CCT7: variants seen among roughly 807,000 people sequenced by gnomAD.
CCT7 encodes the protein chaperonin containing TCP1 subunit 7.
Under a neutral mutation model 56.6 loss-of-function variants are expected in CCT7, and 16 were observed. The observed-to-expected ratio is 0.28, with a 90% confidence interval of 0.19 to 0.43. The LOEUF (loss-of-function observed/expected upper bound fraction) is 0.43. Ranked by LOEUF, CCT7 falls within the 20% of genes least tolerant of loss-of-function variation. The pLI, the probability that CCT7 is intolerant of heterozygous loss-of-function variation, is 1.00. For synonymous variants in CCT7, 262 were observed against 254.8 expected, an observed-to-expected ratio of 1.03 and a Z score of -0.27; for missense variants, 519 against 685.6, an observed-to-expected ratio of 0.76 and a Z score of 2.71.
intron 1 of CCT7, among the ~76,000 whole-genome samples, chr2:73,235,041 T>A (rs1686812677): frequency 1.3e-5 from 2 of 152,222 alleles, no homozygotes; most frequent in South Asian, 4.1e-4. Context: ...GAAAGGTAGA[T>A]GGAGACACTG....
intron 11 of CCT7, 90 bp from the exon 12 acceptor site, chr2:73,252,550 G>C: frequency 1.0e-6 from 1 of 976,962 alleles, no homozygotes; most frequent in Non-Finnish European, 1.6e-6. Flanking sequence ...GAGTCTGCGG[G>C]TTCCTAGCAG....
intron 4 of CCT7, among the ~76,000 whole-genome samples, chr2:73,243,567 G>T (rs1214842188): frequency 6.6e-6 from 1 of 152,092 alleles, no homozygotes; most frequent in Non-Finnish European, 1.5e-5. Flanking sequence ...AATAATATAT[G>T]AGGAGTACTT....
chr2:73,237,690 AG>A (rs1207657122), intron 1 of CCT7: 2 of 152,316 alleles, frequency 1.3e-5, no homozygotes, highest in African/African-American at 4.8e-5. Context: ...TCCCAAATGT[AG>A]GGGTTTACAT....
intron 6 of CCT7, among the ~76,000 whole-genome samples, chr2:73,245,952 T>G (rs1332938608): frequency 6.6e-6 from 1 of 152,156 alleles, no homozygotes; most frequent in African/African-American, 2.4e-5. Context: ...CCTACTTCCA[T>G]AAATGGTTGA....
At chr2:73,238,725 G>A (rs1025757057) in intron 1 of CCT7, among the ~76,000 whole-genome samples, 1 of 152,208 alleles carries the variant, frequency 6.6e-6, no homozygotes, top group Admixed American at 6.5e-5. Flanking sequence ...GATCTAGTTC[G>A]TGGGCTTATC....
chr2:73,244,086 G>A (rs77312787), intron 5 of CCT7, 37 bp downstream of exon 5: 1 of 1,454,980 alleles, frequency 6.9e-7, no homozygotes. Context: ...TTTTTTTAAA[G>A]AGACGGAGCC....
chr2:73,236,521 A>G (rs1000666126), intron 1 of CCT7, among the ~76,000 whole-genome samples: 1 of 152,074 alleles, frequency 6.6e-6, no homozygotes, highest in Non-Finnish European at 1.5e-5. Context: ...TTGTATTTTT[A>G]GTAGAGACGG....
At chr2:73,234,471 C>T (rs1686769579) in intron 1 of CCT7, 87 bp downstream of exon 1, 3 of 1,477,912 alleles carry the variant, frequency 2.0e-6, no homozygotes, top group South Asian at 1.1e-5. Flanking sequence ...TCTGTAGGAC[C>T]CTCTTTTGCT....
chr2:73,243,902 G>T, intron 4 of CCT7, 95 bp from the exon 5 acceptor site: 1 of 1,075,966 alleles, frequency 9.3e-7, no homozygotes, highest in Non-Finnish European at 1.4e-6. Flanking sequence ...CTTAGGATTT[G>T]GGAGTGAACA....
intron 10 of CCT7, 61 bp downstream of exon 10, chr2:73,250,499 A>G: frequency 6.3e-7 from 1 of 1,590,344 alleles, no homozygotes. Flanking sequence ...CTAGCTGATC[A>G]GACCTTGGAT....
chr2:73,236,281 G>T (rs1686879683), intron 1 of CCT7, among the ~76,000 whole-genome samples: 1 of 152,180 alleles, frequency 6.6e-6, no homozygotes, highest in Non-Finnish European at 1.5e-5. Flanking sequence ...TCAGTAAGCT[G>T]AAATTCCAAA....
chr2:73,249,357 A>G (rs2103803581), intron 8 of CCT7, among the ~76,000 whole-genome samples, 178 bp downstream of exon 8: 1 of 152,180 alleles, frequency 6.6e-6, no homozygotes, highest in Non-Finnish European at 1.5e-5. Flanking sequence ...CCAGTAGCAC[A>G]AACTACTTTA....
intron 2 of CCT7, 66 bp downstream of exon 2, chr2:73,239,862 T>C: frequency 1.4e-6 from 2 of 1,384,798 alleles, no homozygotes; most frequent in Non-Finnish European, 2.0e-6. Flanking sequence ...TGTTTGGGAC[T>C]AGCATAGGTT....
Position 73,234,314 on chromosome 2 carries a change from G to A in CCT7, c.-65G>A. 6.2e-7 allele frequency: 1 copy of A among 1,603,466 alleles called. No homozygotes were observed. Among genetic ancestry groups the A allele is most frequent in the Non-Finnish European group, 8.5e-7 (1 of 1,170,528 alleles). On this transcript the variant is annotated 5_prime_UTR_variant, in exon 1 of 12. Coordinates refer to ENST00000258091, the MANE Select transcript of CCT7 (RefSeq NM_006429.4). ...TATTTCTATTGCGCGAGGCATTGTG[G>A]GTTGCTGGGCGGCCCGGTCTCGGAG...
At chr2:73,238,456 C>T (rs369704970) in intron 1 of CCT7, among the ~76,000 whole-genome samples, 6 of 152,228 alleles carry the variant, frequency 3.9e-5, no homozygotes, top group Middle Eastern at 3.4e-3. Flanking sequence ...AAGACTCTGT[C>T]TTTGGCAGGA....
At chr2:73,248,052 C>G in intron 7 of CCT7, 126 bp downstream of exon 7, 1 of 794,230 alleles carries the variant, frequency 1.3e-6, no homozygotes, top group South Asian at 1.8e-5. Context: ...TGTCTAAGTA[C>G]TAGGCCCCCT....
chr2:73,235,050 T>C (rs148735922), intron 1 of CCT7, among the ~76,000 whole-genome samples: 1 of 152,300 alleles, frequency 6.6e-6, no homozygotes, highest in East Asian at 1.9e-4. Flanking sequence ...ATGGAGACAC[T>C]GTATCGGAGG....
chr2:73,250,839 C>T (rs1687545787), intron 10 of CCT7, among the ~76,000 whole-genome samples: 1 of 151,738 alleles, frequency 6.6e-6, no homozygotes, highest in African/African-American at 2.4e-5. Context: ...ACTCGGGAGG[C>T]TGAGGTGGAA....
At position 73,247,887 on chromosome 2, in the gene CCT7, T is replaced by C; in HGVS notation, c.744T>C (p.Ala248=). The C allele has an allele frequency of 1.9e-6, 3 of 1,614,132 alleles. No homozygotes were observed. Among genetic ancestry groups the C allele is most frequent in the Non-Finnish European group, 1.7e-6 (2 of 1,180,030 alleles). ...TGAATGTCGAGCTCGAGTTGAAAGC[T>C]GAGAAAGACAATGCTGAGATAAGAG... is the stretch of plus-strand genomic sequence containing the variant. ...ALLNVELELK[A]EKDNAEIRVH... is the part of the protein sequence containing the mutation. The change falls in exon 7 of 12, where the codon GCT becomes GCC. Residue 248 remains alanine (A), a synonymous_variant. Transcript: ENST00000258091.
Sources: gnomAD v4.1 joint callset for allele counts (sites outside exome capture counted in the v4.1 genomes callset) on GRCh38, gnomAD v4.1.1 for gene constraint, MANE v1.5 for transcripts, NCBI Gene and HGNC (gene_info 2026-07-23, HGNC 2026-07-21) for gene names.